Variants in WHAMM observed in about 807,000 individuals in gnomAD.
WHAMM encodes WASP homolog-associated protein with actin, membranes and microtubules.
A neutral mutation model predicts 76.5 loss-of-function variants in WHAMM; 67 were observed. That is an observed-to-expected ratio of 0.88 (90% CI 0.72 to 1.07). The LOEUF (loss-of-function observed/expected upper bound fraction) is 1.07. WHAMM is among the 50% of genes least tolerant of loss of function. The probability of loss-of-function intolerance (pLI) is 0.00; values close to 1 mark genes in which losing one functional copy is unlikely to be tolerated. For synonymous variants in WHAMM, 419 were observed against 422.1 expected, an observed-to-expected ratio of 0.99 and a Z score of 0.09; for missense variants, 1,021 against 1,051.1, an observed-to-expected ratio of 0.97 and a Z score of 0.40.
rs750551364 is a variant in WHAMM, at chr15:82,830,877, A to ACCTCCT, written c.1929_1934dup (p.Pro657_Pro658dup). 3 of 1,575,028 alleles carry ACCTCCT rather than the reference A, an allele frequency of 1.9e-6. No individual in the cohort carries two copies. Among genetic ancestry groups the ACCTCCT allele is most frequent in the East Asian group, 2.3e-5 (1 of 43,158 alleles). On this transcript the variant is annotated inframe_insertion, in exon 9 of 10. Coordinates refer to ENST00000286760, the MANE Select transcript of WHAMM (RefSeq NM_001080435.3). ...CCAGTGAGGAATTGTCACTGCCACC[A>ACCTCCT]CCTCCTCCTCCTCCACCACCACCAC...
At chr15:82,833,013 A>G (rs1174166643) in intron 9 of WHAMM, among the ~76,000 whole-genome samples, 1 of 152,258 alleles carries the variant, frequency 6.6e-6, no homozygotes, top group Non-Finnish European at 1.5e-5. Context: ...GTTAGCAGAA[A>G]GGAAGTGGTT....
Position 82,809,762 on chromosome 15 carries a change from G to C in WHAMM, c.36G>C (p.Trp12Cys), listed in dbSNP as rs1645508700. ...EDEQPDSLEGWVPVREGLFAE... is the reference protein window; with the variant it reads ...EDEQPDSLEGCVPVREGLFAE... ...AGCAGCCTGACAGCCTGGAGGGCTG[G>C]GTGCCGGTCCGGGAGGGCCTCTTCG... The change falls in exon 1 of 10, where the codon TGG (tryptophan) becomes TGC (cysteine). Residue 12 changes from tryptophan to cysteine, a missense_variant. This residue lies in a region of WHAMM where 501 missense variants were observed against 524.9 expected (regional missense o/e 0.95). Coordinates refer to ENST00000286760, the MANE Select transcript of WHAMM (RefSeq NM_001080435.3). 5.7e-6 allele frequency: 9 copies of C among 1,580,022 alleles called. No individual in the cohort carries two copies. The highest frequency in any genetic ancestry group is 1.4e-5 in the African/African-American group (1 of 73,612).
intron 8 of WHAMM, 76 bp downstream of exon 8, chr15:82,826,922 A>G: frequency 1.4e-6 from 2 of 1,443,914 alleles, no homozygotes; most frequent in Non-Finnish European, 1.8e-6. Flanking sequence ...AGATGAAAGT[A>G]TGAAGTATTA....
chr15:82,813,135 G>A lies in WHAMM; in HGVS notation c.642G>A (p.Met214Ile). The stretch of plus-strand genomic sequence containing the variant: ...AAGGACACGGAAAAGCCAACACCAT[G>A]GTAGCATTAATGAACGTTTACCAAG... ...VIQGHGKANT[M>I]VALMNVYQEE... The change falls in exon 2 of 10, where the codon ATG becomes ATA. Residue 214 changes from methionine (M) to isoleucine (I), a missense_variant. Physicochemically the swap from Met to Ile is conservative, Grantham distance 10. Around this residue, in one of 3 missense-constraint regions of WHAMM, gnomAD observed 501 missense variants for 524.9 expected, o/e 0.95. Coordinates refer to ENST00000286760, the MANE Select transcript of WHAMM (RefSeq NM_001080435.3). 6.2e-7 allele frequency: 1 copy of A among 1,607,390 alleles called. No individual in the cohort carries two copies. The highest frequency in any genetic ancestry group is 2.2e-5 in the East Asian group (1 of 44,834).
chr15:82,810,844 A>G (rs2050616234), intron 1 of WHAMM: 1 of 808,398 alleles, frequency 1.2e-6, no homozygotes, highest in African/African-American at 1.9e-5. Context: ...GCAGAAGGTG[A>G]ACTTTATTCA....
rs1297216860 is a variant in WHAMM at position 82,834,631 on chromosome 15, T to G, written c.*1095T>G. 6.5e-6 allele frequency: 1 copy of G among 152,676 alleles called. No individual in the cohort carries two copies. Among genetic ancestry groups the G allele is most frequent in the Non-Finnish European group, 1.5e-5 (1 of 68,040 alleles). The allele number at this position is 152,676 out of a possible 1,614,324, so 9.5% of individuals were successfully genotyped here. On this transcript the variant is annotated 3_prime_UTR_variant, in exon 10 of 10. Transcript: ENST00000286760. ...TTGAATGTGAATGTTATTTTATCAG[T>G]AATCAGAATAAATTGCTTATATTCA...
intron 6 of WHAMM, among the ~76,000 whole-genome samples, chr15:82,826,031 G>C (rs1251686836): frequency 6.6e-6 from 1 of 152,144 alleles, no homozygotes; most frequent in Non-Finnish European, 1.5e-5. Flanking sequence ...GTATTTGTAG[G>C]TTGCTCTGCT....
Position 82,810,150 on chromosome 15 carries a change from C to G in WHAMM, c.424C>G (p.Leu142Val), listed in dbSNP as rs1343963229. The change falls in exon 1 of 10, where the codon CTG (leucine) becomes GTG (valine). Residue 142 changes from leucine (L) to valine (V), a missense_variant. Coordinates refer to ENST00000286760, the MANE Select transcript of WHAMM (RefSeq NM_001080435.3). ...GCGCGCGGGTCCCGGCGAGGCGGCG[C>G]TGCAGGAGCTGTGCGGGCAGCTGGA... Reference protein sequence around the residue: ...PTRAGPGEAALQELCGQLERY... With the variant: ...PTRAGPGEAAVQELCGQLERY... The G allele has an allele frequency of 3.6e-6, 5 of 1,388,762 alleles. No homozygotes were observed. Among genetic ancestry groups the G allele is most frequent in the Non-Finnish European group, 4.7e-6 (5 of 1,065,768 alleles). 86.0% of individuals were successfully genotyped at this position (1,388,762 alleles called of 1,614,324 possible).
intron 3 of WHAMM, 62 bp downstream of exon 3, chr15:82,816,904 C>G: frequency 1.4e-6 from 2 of 1,445,588 alleles, no homozygotes; most frequent in Non-Finnish European, 1.9e-6. Flanking sequence ...TATTCAAATA[C>G]CATTTGAGTC....
rs1438840428 is a variant in WHAMM at position 82,825,932 on chromosome 15, C to T, written c.1459-478C>T. ...ATCTGTATTACTGTATTATTTTTTA[C>T]ATAGATGAAGGATTTTATGTGCATA... On this transcript the variant is annotated intron_variant, in intron 6 of 9. Transcript: ENST00000286760. Among the ~76,000 whole-genome samples the T allele has an allele frequency of 4.6e-5, 7 of 152,138 alleles. No individual in the cohort carries two copies. In the South Asian group the frequency reaches 1.2e-3, roughly 27 times the overall value.
chr15:82,829,490 A>G (rs2050991702), intron 8 of WHAMM, among the ~76,000 whole-genome samples: 1 of 152,222 alleles, frequency 6.6e-6, no homozygotes, highest in Admixed American at 6.5e-5. Context: ...CTGGGATTCT[A>G]ATTCTGCTGG....
rs372457766 is a variant in WHAMM, at chr15:82,830,898, A to G, written c.1941A>G (p.Pro647=). 11 of 1,444,206 alleles carry G rather than the reference A, an allele frequency of 7.6e-6. No individual in the cohort carries two copies. In the African/African-American group the frequency reaches 1.0e-4, roughly 14 times the overall value. The allele number at this position is 1,444,206 out of a possible 1,614,324, so 89.5% of individuals were successfully genotyped here. A position where few individuals can be genotyped will look rare whatever the true frequency, so the allele number is the denominator to read the frequency against. ...SLPPPPPPPP[P]PPPPPPPPPP... The stretch of plus-strand genomic sequence containing the variant: ...CACCACCTCCTCCTCCTCCACCACC[A>G]CCACCGCCGCCACCGCCGCCCCCAC... The change falls in exon 9 of 10, where the codon CCA becomes CCG. Residue 647 remains proline (P), a synonymous_variant. Coordinates refer to ENST00000286760, the MANE Select transcript of WHAMM (RefSeq NM_001080435.3).
At chr15:82,829,186 C>G (rs1243699810) in intron 8 of WHAMM, among the ~76,000 whole-genome samples, 2 of 152,196 alleles carry the variant, frequency 1.3e-5, no homozygotes, top group Admixed American at 6.5e-5. Context: ...TAAGGCAGAA[C>G]TCGGCCAGGC....
At chr15:82,820,915 A>G (rs1456627260) in intron 5 of WHAMM, among the ~76,000 whole-genome samples, 27 of 113,604 alleles carry the variant, frequency 2.4e-4, no homozygotes, top group East Asian at 5.0e-4. Flanking sequence ...AAAAAAAAAA[A>G]AAAAAGAAAA....
chr15:82,828,345 G>T (rs1043027234), intron 8 of WHAMM, among the ~76,000 whole-genome samples: 4 of 152,132 alleles, frequency 2.6e-5, no homozygotes, highest in African/African-American at 9.7e-5. Flanking sequence ...ATCCCCTGGA[G>T]AGCTTCTTCT....
rs1302341173 is a variant in WHAMM, at chr15:82,819,403, A to G, written c.1185A>G (p.Glu395=). 2 of 1,218,040 alleles carry G rather than the reference A, an allele frequency of 1.6e-6. No homozygotes were observed. The allele number at this position is 1,218,040 out of a possible 1,614,324, so 75.5% of individuals were successfully genotyped here. A position where few individuals can be genotyped will look rare whatever the true frequency, so the allele number is the denominator to read the frequency against. The change falls in exon 5 of 10, where the codon GAA becomes GAG. Residue 395 remains glutamate, a synonymous_variant. Coordinates refer to ENST00000286760, the MANE Select transcript of WHAMM (RefSeq NM_001080435.3). ...LEIQFYEIQL[E]LYEVKFEILK... is the part of the protein sequence containing the mutation. Reference sequence around the variant, plus strand: ...TACAATTTTATGAAATTCAATTAGAACTATATGAAGTTAAATTTGAGATAT... The same window carrying G: ...TACAATTTTATGAAATTCAATTAGAGCTATATGAAGTTAAATTTGAGATAT...
At chr15:82,828,208 T>C (rs965584328) in intron 8 of WHAMM, among the ~76,000 whole-genome samples, 2 of 152,332 alleles carry the variant, frequency 1.3e-5, no homozygotes, top group Middle Eastern at 3.4e-3. Flanking sequence ...ATCACCACTT[T>C]ACAAATGAGT....
In WHAMM at chr15:82,823,676, A is replaced by C. The variant is rs576552456; in HGVS notation, c.1458+389A>C. ...TGCCTCCTAGGTTCAAGCGATCCTC[A>C]TGCCTTAGCCTGCCAAGTAGCTGGG... is the stretch of plus-strand genomic sequence containing the variant. On this transcript the variant is annotated intron_variant, in intron 6 of 9. Coordinates refer to ENST00000286760, the MANE Select transcript of WHAMM (RefSeq NM_001080435.3). Among the ~76,000 whole-genome samples the C allele has an allele frequency of 6.6e-4, 100 of 152,158 alleles. 1 individual carries two copies. The highest frequency in any genetic ancestry group is 2.4e-3 in the Admixed American group (37 of 15,292).
At chr15:82,814,484 C>T (rs1016980044) in intron 2 of WHAMM, among the ~76,000 whole-genome samples, 6 of 152,166 alleles carry the variant, frequency 3.9e-5, no homozygotes, top group Middle Eastern at 3.4e-3. Flanking sequence ...GAGTTTTGCT[C>T]TTGTTACCTA....
Sources: allele counts gnomAD v4.1 joint callset (sites outside exome capture counted in the v4.1 genomes callset), GRCh38; gene constraint gnomAD v4.1.1; regional missense constraint gnomAD v4.1.1; transcripts MANE v1.5; gene names NCBI Gene and HGNC (gene_info 2026-07-23, HGNC 2026-07-21).